The following EXOC6B variants were observed in gnomAD, a reference collection of about 807,000 sequenced individuals.
The protein encoded by EXOC6B is exocyst complex component 6B, also known as SEC15 homolog B.
A neutral mutation model predicts 113.5 loss-of-function variants in EXOC6B; 54 were observed. That is an observed-to-expected ratio of 0.48 (90% CI 0.38 to 0.60). The LOEUF is 0.60. Among genes scored for constraint, EXOC6B ranks in the 20% least tolerant of loss-of-function variants. The pLI, the probability that EXOC6B is intolerant of heterozygous loss-of-function variation, is 0.00. For synonymous variants in EXOC6B, 357 were observed against 339.0 expected (o/e 1.05, Z -0.58); for missense variants, 797 against 977.5 (o/e 0.82, Z 2.46).
intron 20 of EXOC6B, among the ~76,000 whole-genome samples, chr2:72,313,600 A>C (rs1305981797): frequency 6.6e-6 from 1 of 152,152 alleles, no homozygotes; most frequent in Non-Finnish European, 1.5e-5. Context: ...GTAGGAAAAA[A>C]AGTTAATGGC....
chr2:72,215,195 G>A (rs13430651), intron 20 of EXOC6B, among the ~76,000 whole-genome samples: 18,191 of 152,146 alleles, frequency 0.12, 1,346 homozygotes, highest in Admixed American at 0.16. Context: ...CCAGAAGAAG[G>A]GATGGATATC....
intron 19 of EXOC6B, among the ~76,000 whole-genome samples, chr2:72,363,833 C>A (rs1265633920): frequency 6.6e-6 from 1 of 152,010 alleles, no homozygotes; most frequent in Non-Finnish European, 1.5e-5. Flanking sequence ...GAACCTGAAT[C>A]CATTCTGTTG....
At chr2:72,679,791 T>C (rs1220400463) in intron 6 of EXOC6B, among the ~76,000 whole-genome samples, 2 of 152,136 alleles carry the variant, frequency 1.3e-5, no homozygotes, top group East Asian at 1.9e-4. Flanking sequence ...ATATAAACAA[T>C]GCTTGGCTGG....
In EXOC6B at chr2:72,746,048, T is replaced by C. The variant is rs1681674339; in HGVS notation, c.114-4579A>G. ...GGACCGCTTAAAAATCTAAAAACTA[T>C]ATTCCATAATACCTGTTGGTCAGAG... On this transcript the variant is annotated intron_variant, in intron 1 of 21. Coordinates refer to ENST00000272427, the MANE Select transcript of EXOC6B (RefSeq NM_015189.3). 2.0e-5 allele frequency among the ~76,000 whole-genome samples: 3 copies of C among 152,104 alleles called. No homozygotes were observed. In the South Asian group the frequency reaches 6.2e-4, roughly 32 times the overall value.
At chr2:72,533,457 C>A (rs1478787034) in intron 8 of EXOC6B, among the ~76,000 whole-genome samples, 1 of 152,198 alleles carries the variant, frequency 6.6e-6, no homozygotes, top group African/African-American at 2.4e-5. Context: ...CCAAAGAGAC[C>A]TTGTATGATG....
intron 20 of EXOC6B, among the ~76,000 whole-genome samples, chr2:72,304,014 A>G (rs1048793697): frequency 1.3e-5 from 2 of 151,762 alleles, no homozygotes; most frequent in Non-Finnish European, 2.9e-5. Context: ...GATCCTGCCA[A>G]CTCTGCAGAG....
rs1197072759 is a variant in EXOC6B at position 72,401,582 on chromosome 2, C to CATATAT, written c.1981-21718_1981-21713dup. On this transcript the variant is annotated intron_variant, in intron 18 of 21. Coordinates refer to ENST00000272427, the MANE Select transcript of EXOC6B (RefSeq NM_015189.3). ...ATATATATACATATATATATATATA[C>CATATAT]ATATATATATATATATATATGTGTA... 1.1e-3 allele frequency among the ~76,000 whole-genome samples: 21 copies of CATATAT among 18,430 alleles called. 1 individual carries two copies. The highest frequency in any genetic ancestry group is 2.6e-3 in the Admixed American group (3 of 1,134). 12.1% of individuals were successfully genotyped at this position (18,430 alleles called of 152,430 possible). A position where few individuals can be genotyped will look rare whatever the true frequency, so the allele number is the denominator to read the frequency against.
intron 6 of EXOC6B, among the ~76,000 whole-genome samples, chr2:72,692,142 GTTAA>G (rs1407049302): frequency 6.6e-6 from 1 of 152,038 alleles, no homozygotes; most frequent in Non-Finnish European, 1.5e-5. Context: ...AGGTGAAAGT[GTTAA>G]TTATTATATG....
At chr2:72,623,413 T>C (rs1391077922) in intron 6 of EXOC6B, among the ~76,000 whole-genome samples, 1 of 152,312 alleles carries the variant, frequency 6.6e-6, no homozygotes, top group Admixed American at 6.5e-5. Context: ...GGGTAAATGC[T>C]ATATGAGTAA....
intron 1 of EXOC6B, among the ~76,000 whole-genome samples, chr2:72,752,039 T>C (rs1349950786): frequency 1.3e-5 from 2 of 152,152 alleles, no homozygotes; most frequent in African/African-American, 2.4e-5. Flanking sequence ...TATGGACCCC[T>C]AGACCCATGC....
At chr2:72,179,502 A>G (rs1195741023) in intron 21 of EXOC6B, 41 bp from the exon 22 acceptor site, 4 of 1,612,654 alleles carry the variant, frequency 2.5e-6, no homozygotes, top group Middle Eastern at 1.7e-4. Flanking sequence ...ATGTTTGAGG[A>G]AACAATGGTG....
chr2:72,478,460 A>C (rs1698883399), intron 17 of EXOC6B, among the ~76,000 whole-genome samples: 1 of 152,228 alleles, frequency 6.6e-6, no homozygotes, highest in African/African-American at 2.4e-5. Flanking sequence ...TATAATTGCC[A>C]TGTTTATATT....
chr2:72,349,917 A>G (rs1689552321), intron 19 of EXOC6B, among the ~76,000 whole-genome samples: 1 of 152,114 alleles, frequency 6.6e-6, no homozygotes, highest in Non-Finnish European at 1.5e-5. Context: ...CTGACCCCCA[A>G]TTTGTGGGGA....
chr2:72,190,727 T>G (rs371874680), intron 20 of EXOC6B, among the ~76,000 whole-genome samples: 1 of 152,226 alleles, frequency 6.6e-6, no homozygotes, highest in East Asian at 1.9e-4. Flanking sequence ...ATGCTTTGTT[T>G]TGTCATGTAA....
intron 20 of EXOC6B, among the ~76,000 whole-genome samples, chr2:72,198,680 C>T (rs2104320975): frequency 6.6e-6 from 1 of 152,300 alleles, no homozygotes; most frequent in South Asian, 2.1e-4. Flanking sequence ...TCTTTAACAT[C>T]CTTCTACTAT....
At chr2:72,267,168 C>G (rs375037153) in intron 20 of EXOC6B, among the ~76,000 whole-genome samples, 45 of 152,116 alleles carry the variant, frequency 3.0e-4, no homozygotes, top group Admixed American at 9.8e-4. Context: ...TGAGACGATG[C>G]GGTTTTCTAG....
chr2:72,644,899 G>T (rs1341370445), intron 6 of EXOC6B, among the ~76,000 whole-genome samples: 1 of 152,092 alleles, frequency 6.6e-6, no homozygotes, highest in East Asian at 1.9e-4. Context: ...AAAATAACCA[G>T]CTAACATCAT....
At chr2:72,273,582 T>C (rs1684636748) in intron 20 of EXOC6B, among the ~76,000 whole-genome samples, 2 of 152,090 alleles carry the variant, frequency 1.3e-5, no homozygotes, top group African/African-American at 4.8e-5. Flanking sequence ...ACCTGAATCT[T>C]AAAAGTTGAG....
chr2:72,290,065 G>A (rs1480366825), intron 20 of EXOC6B, among the ~76,000 whole-genome samples: 1 of 152,102 alleles, frequency 6.6e-6, no homozygotes, highest in Non-Finnish European at 1.5e-5. Flanking sequence ...CACTTTTCCT[G>A]GGTCTCAAGC....
Sources: allele counts gnomAD v4.1 joint callset (sites outside exome capture counted in the v4.1 genomes callset), GRCh38; gene constraint gnomAD v4.1.1; transcripts MANE v1.5; gene names NCBI Gene and HGNC (gene_info 2026-07-23, HGNC 2026-07-21).